Variants in EPB41L2 observed in about 807,000 individuals in gnomAD.
EPB41L2 encodes the protein erythrocyte membrane protein band 4.1 like 2.
EPB41L2 carries 43 observed loss-of-function variants against 113.0 expected under a neutral mutation model. That is an observed-to-expected ratio of 0.38 (90% CI 0.30 to 0.49). The LOEUF is 0.49. Ranked by LOEUF, EPB41L2 falls within the 20% of genes least tolerant of loss-of-function variation. The pLI is 0.95. For missense variants in EPB41L2, 1,147 were observed against 1,223.4 expected, an observed-to-expected ratio of 0.94 and a Z score of 0.93; for synonymous variants, 442 against 436.7, an observed-to-expected ratio of 1.01 and a Z score of -0.15.
intron 4 of EPB41L2, among the ~76,000 whole-genome samples, chr6:130,923,747 A>C (rs1803664449): frequency 6.6e-6 from 1 of 152,238 alleles, no homozygotes; most frequent in Non-Finnish European, 1.5e-5. Flanking sequence ...CTGAGGGCAG[A>C]GTCACGTCCT....
chr6:130,879,811 T>C (rs1004693014), intron 13 of EPB41L2, among the ~76,000 whole-genome samples: 1 of 152,242 alleles, frequency 6.6e-6, no homozygotes, highest in African/African-American at 2.4e-5. Flanking sequence ...GATGAGATTG[T>C]GTTACCTCAG....
chr6:130,867,415 A>C (rs765959277), intron 16 of EPB41L2, 44 bp downstream of exon 16: 7 of 1,594,650 alleles, frequency 4.4e-6, no homozygotes, highest in East Asian at 2.2e-5. Flanking sequence ...AGATACACTA[A>C]GGGAAAAAAG....
chr6:130,898,459 T>C (rs954433303), intron 8 of EPB41L2, among the ~76,000 whole-genome samples: 1 of 152,166 alleles, frequency 6.6e-6, no homozygotes, highest in African/African-American at 2.4e-5. Context: ...TAAGGAAATG[T>C]TGACTCTGGA....
chr6:130,888,282 T>A (rs1791688899), intron 11 of EPB41L2, among the ~76,000 whole-genome samples: 1 of 152,212 alleles, frequency 6.6e-6, no homozygotes, highest in Admixed American at 6.5e-5. Flanking sequence ...AAAAGCCTCC[T>A]ATTTTTCACA....
At chr6:131,004,857 C>T (rs754961303) in intron 1 of EPB41L2, among the ~76,000 whole-genome samples, 3 of 152,202 alleles carry the variant, frequency 2.0e-5, no homozygotes, top group Non-Finnish European at 4.4e-5. Flanking sequence ...CCTCCTGCTT[C>T]CCACTGCCAG....
chr6:130,973,276 T>C (rs1777378977), intron 1 of EPB41L2, among the ~76,000 whole-genome samples: 1 of 147,774 alleles, frequency 6.8e-6, no homozygotes, highest in African/African-American at 2.7e-5. Context: ...ACAAAACTTT[T>C]TTTTTTTTTA....
intron 16 of EPB41L2, among the ~76,000 whole-genome samples, chr6:130,867,126 G>T (rs1359591533): frequency 6.6e-6 from 1 of 152,174 alleles, no homozygotes; most frequent in Non-Finnish European, 1.5e-5. Flanking sequence ...GATAAACTTT[G>T]CAAGACAATT....
intron 1 of EPB41L2, among the ~76,000 whole-genome samples, chr6:130,967,491 T>C (rs1775584955): frequency 6.6e-6 from 1 of 152,198 alleles, no homozygotes; most frequent in Non-Finnish European, 1.5e-5. Flanking sequence ...ATTATTCGTA[T>C]TCTCTGCTGG....
chr6:130,918,922 G>A (rs1311546061), intron 4 of EPB41L2, among the ~76,000 whole-genome samples: 1 of 151,998 alleles, frequency 6.6e-6, no homozygotes, highest in Non-Finnish European at 1.5e-5. Context: ...TTTATGTGGG[G>A]GAAAAAATAG....
chr6:130,944,172 TAC>T (rs869217556), intron 3 of EPB41L2, among the ~76,000 whole-genome samples: 188 of 125,564 alleles, frequency 1.5e-3, no homozygotes, highest in Middle Eastern at 8.6e-3. Context: ...TACACACACA[TAC>T]ACACACACAC....
intron 1 of EPB41L2, among the ~76,000 whole-genome samples, chr6:131,019,159 C>A (rs1187924624): frequency 6.6e-6 from 1 of 152,168 alleles, no homozygotes; most frequent in African/African-American, 2.4e-5. Context: ...AACATTTCTC[C>A]ATTTATCCAG....
chr6:130,889,820 C>T (rs1313028387), intron 11 of EPB41L2, among the ~76,000 whole-genome samples: 3 of 152,146 alleles, frequency 2.0e-5, no homozygotes, highest in Admixed American at 6.5e-5. Context: ...TTTGTGTGCA[C>T]TGACAATACA....
At chr6:130,904,652 G>T in intron 5 of EPB41L2, 112 bp from the exon 6 acceptor site, 1 of 455,618 alleles carries the variant, frequency 2.2e-6, no homozygotes, top group Non-Finnish European at 3.9e-6. Flanking sequence ...CTATAAATCA[G>T]CATGCAGAAT....
rs763054044 is a variant in EPB41L2 at position 130,908,775 on chromosome 6, A to G, written c.853+46T>C. ...TACTGATCATTTATATCACAAATAG[A>G]TATCAAGACACCTTAACTTCAAAGA... is the stretch of plus-strand genomic sequence containing the variant. On this transcript the variant is annotated intron_variant, in intron 5 of 19. Coordinates refer to ENST00000337057, the MANE Select transcript of EPB41L2 (RefSeq NM_001431.4). 7.0e-6 allele frequency: 10 copies of G among 1,427,674 alleles called. No individual in the cohort carries two copies. In the South Asian group the frequency reaches 1.2e-4, roughly 18 times the overall value. The allele number at this position is 1,427,674 out of a possible 1,614,324, so 88.4% of individuals were successfully genotyped here. A position where few individuals can be genotyped will look rare whatever the true frequency, so the allele number is the denominator to read the frequency against.
intron 1 of EPB41L2, among the ~76,000 whole-genome samples, chr6:131,043,838 T>C (rs1306788618): frequency 6.6e-6 from 1 of 152,166 alleles, no homozygotes; most frequent in Non-Finnish European, 1.5e-5. Context: ...GTAGATGGAA[T>C]GATGACATGC....
intron 12 of EPB41L2, chr6:130,883,290 C>G (rs1214382512): frequency 6.6e-6 from 1 of 152,412 alleles, no homozygotes; most frequent in African/African-American, 2.4e-5. Flanking sequence ...AAAACGTTTA[C>G]TTTAAAGGAG....
At chr6:130,846,381 T>C (rs1040626955) in intron 19 of EPB41L2, among the ~76,000 whole-genome samples, 1 of 152,224 alleles carries the variant, frequency 6.6e-6, no homozygotes, top group Admixed American at 6.5e-5. Flanking sequence ...AAAATCTCTT[T>C]GGGCCTTCAA....
rs2128388185 is a variant in EPB41L2 at position 130,840,576 on chromosome 6, A to G, written c.*28T>C. On this transcript the variant is annotated 3_prime_UTR_variant, in exon 20 of 20. Coordinates refer to ENST00000337057, the MANE Select transcript of EPB41L2 (RefSeq NM_001431.4). The stretch of plus-strand genomic sequence containing the variant: ...AAATCTTCAGGGGTTCACAAAGTTG[A>G]GTGTTGTTTAAAAAATGACTTTCTA... 1 of 148,350 alleles carries G rather than the reference A, an allele frequency of 6.7e-6. No individual in the cohort carries two copies. Among genetic ancestry groups the G allele is most frequent in the East Asian group, 2.1e-4 (1 of 4,836 alleles). 9.2% of individuals were successfully genotyped at this position (148,350 alleles called of 1,614,324 possible).
chr6:130,907,652 T>A (rs1253523154), intron 5 of EPB41L2, among the ~76,000 whole-genome samples: 2 of 151,694 alleles, frequency 1.3e-5, no homozygotes, highest in Admixed American at 6.6e-5. Flanking sequence ...AAATAAGGTA[T>A]ATGCTCAGAA....
Sources: gnomAD v4.1 joint callset for allele counts (sites outside exome capture counted in the v4.1 genomes callset) on GRCh38, gnomAD v4.1.1 for gene constraint, MANE v1.5 for transcripts, NCBI Gene and HGNC (gene_info 2026-07-23, HGNC 2026-07-21) for gene names.